The following FAF1 variants were observed in gnomAD, a reference collection of about 807,000 sequenced individuals.
The protein encoded by FAF1 is Fas associated factor 1, also known as FAS-associated factor 1.
FAF1 carries 25 observed loss-of-function variants against 92.5 expected under a neutral mutation model. That is an observed-to-expected ratio of 0.27 (90% CI 0.20 to 0.38). The LOEUF (loss-of-function observed/expected upper bound fraction) is 0.38. Ranked by LOEUF, FAF1 falls within the 10% of genes least tolerant of loss-of-function variation. FAF1 has a pLI of 1.00. For synonymous variants in FAF1, 234 were observed against 273.2 expected (o/e 0.86, Z 1.42); for missense variants, 636 against 793.3 (o/e 0.80, Z 2.38).
chr1:50,907,341 CTTT>C (rs1011421216), intron 1 of FAF1, among the ~76,000 whole-genome samples: 4 of 152,130 alleles, frequency 2.6e-5, no homozygotes, highest in African/African-American at 9.7e-5. Flanking sequence ...CTAAAATTCT[CTTT>C]TTTGGTTGTG....
At chr1:50,771,479 A>T (rs930857041) in intron 4 of FAF1, among the ~76,000 whole-genome samples, 2 of 152,248 alleles carry the variant, frequency 1.3e-5, no homozygotes, top group African/African-American at 4.8e-5. Context: ...ATACTTTTTG[A>T]AAGAAGCCAT....
Position 50,583,618 on chromosome 1 carries a change from C to T in FAF1, c.1031+34G>A. The T allele has an allele frequency of 1.5e-6, 2 of 1,303,264 alleles. No individual in the cohort carries two copies. Among genetic ancestry groups the T allele is most frequent in the Non-Finnish European group, 2.1e-6 (2 of 951,628 alleles). 80.7% of individuals were successfully genotyped at this position (1,303,264 alleles called of 1,614,324 possible). ...GAAAAATCACAGTAGCATAAAACAG[C>T]ATCAAATTTATATAGTTAATGTCCT... On this transcript the variant is annotated intron_variant, in intron 11 of 18. Coordinates refer to ENST00000396153, the MANE Select transcript of FAF1 (RefSeq NM_007051.3). This position sits in a 1 kb window ranked among gnomAD's most constrained non-coding sequence, Gnocchi z 4.2.
intron 8 of FAF1, among the ~76,000 whole-genome samples, chr1:50,627,256 G>A (rs1462473525): frequency 1.3e-5 from 2 of 152,116 alleles, no homozygotes; most frequent in African/African-American, 2.4e-5. Context: ...ACATGGAACT[G>A]AGTCTTAAAG....
rs79132042 is a variant in FAF1, at chr1:50,941,231, G to A, written c.45+18536C>T. ...TGTTTTGTTTTGTTTTTGGAGACAAGGGCTCACTCACTCTGTTGCCCAGGC... is the reference window on the plus strand; with the variant it reads ...TGTTTTGTTTTGTTTTTGGAGACAAAGGCTCACTCACTCTGTTGCCCAGGC... On this transcript the variant is annotated intron_variant, in intron 1 of 18. Transcript: ENST00000396153. Among the ~76,000 whole-genome samples, 1,169 of 151,926 alleles carry A rather than the reference G, an allele frequency of 7.7e-3. 13 individuals are homozygous for A. The highest frequency in any genetic ancestry group is 0.027 in the African/African-American group (1,129 of 41,442).
intron 13 of FAF1, among the ~76,000 whole-genome samples, chr1:50,550,285 A>G (rs1649247848): frequency 6.7e-6 from 1 of 148,422 alleles, no homozygotes. Flanking sequence ...CAGGAGGCAG[A>G]GCTTGCAGTG....
intron 1 of FAF1, among the ~76,000 whole-genome samples, chr1:50,913,718 T>C (rs766053096): frequency 3.2e-4 from 48 of 152,320 alleles, no homozygotes; most frequent in Admixed American, 1.6e-3. Flanking sequence ...ATTTGTCTAT[T>C]ACTTTCCAAA....
chr1:50,909,663 A>T (rs1644868690), intron 1 of FAF1, among the ~76,000 whole-genome samples: 1 of 152,180 alleles, frequency 6.6e-6, no homozygotes, highest in Middle Eastern at 3.2e-3. Context: ...CCAGTTGATC[A>T]AATCAGCTAT....
intron 13 of FAF1, among the ~76,000 whole-genome samples, chr1:50,547,781 T>G (rs921513358): frequency 6.6e-6 from 1 of 152,220 alleles, no homozygotes. Flanking sequence ...CAAAAGGCTT[T>G]GAGGCACTTA....
intron 4 of FAF1, among the ~76,000 whole-genome samples, chr1:50,781,915 A>G (rs909339064): frequency 2.0e-5 from 3 of 152,210 alleles, no homozygotes; most frequent in Non-Finnish European, 2.9e-5. Flanking sequence ...ATGACCACAT[A>G]TATTATACCA....
Position 50,818,216 on chromosome 1 carries a change from C to A in FAF1, c.115-16539G>T, listed in dbSNP as rs189453566. Among the ~76,000 whole-genome samples, 711 of 152,188 alleles carry A rather than the reference C, an allele frequency of 4.7e-3. 5 individuals carry two copies. The highest frequency in any genetic ancestry group is 6.4e-3 in the Non-Finnish European group (435 of 67,986). Reference sequence around the variant, plus strand: ...ATTCCATCTTAAACACACTAAAGTGCGTGAAATTAAAAAGACTATCAACAC... The same window carrying A: ...ATTCCATCTTAAACACACTAAAGTGAGTGAAATTAAAAAGACTATCAACAC... On this transcript the variant is annotated intron_variant, in intron 2 of 18. Coordinates refer to ENST00000396153, the MANE Select transcript of FAF1 (RefSeq NM_007051.3).
At chr1:50,885,133 G>A (rs1644648120) in intron 1 of FAF1, among the ~76,000 whole-genome samples, 1 of 151,990 alleles carries the variant, frequency 6.6e-6, no homozygotes, top group Non-Finnish European at 1.5e-5. Context: ...TTTCATCTCT[G>A]ATTTTATTTA....
chr1:50,833,434 T>C (rs931924762), intron 2 of FAF1, among the ~76,000 whole-genome samples: 14 of 152,082 alleles, frequency 9.2e-5, no homozygotes, highest in African/African-American at 3.4e-4. Context: ...AGTGCTTCTA[T>C]GCACTCTCCA....
intron 2 of FAF1, among the ~76,000 whole-genome samples, chr1:50,850,260 G>A (rs1644337213): frequency 6.6e-6 from 1 of 152,126 alleles, no homozygotes; most frequent in South Asian, 2.1e-4. Flanking sequence ...GCTGGATTAC[G>A]AAGCTATACA....
intron 1 of FAF1, among the ~76,000 whole-genome samples, chr1:50,917,488 C>A (rs1644926435): frequency 6.6e-6 from 1 of 151,682 alleles, no homozygotes; most frequent in African/African-American, 2.4e-5. Flanking sequence ...AGATTTTTTG[C>A]CAAGCAACAT....
intron 1 of FAF1, among the ~76,000 whole-genome samples, chr1:50,895,993 G>C (rs1347148824): frequency 6.6e-6 from 1 of 152,150 alleles, no homozygotes; most frequent in Non-Finnish European, 1.5e-5. Context: ...GGGAACACAA[G>C]GATGCCCACT....
Position 50,650,277 on chromosome 1 carries a change from T to G in FAF1, c.744+5165A>C, listed in dbSNP as rs112295345. Among the ~76,000 whole-genome samples, 361 of 113,552 alleles carry G rather than the reference T, an allele frequency of 3.2e-3. 2 individuals carry two copies. The highest frequency in any genetic ancestry group is 0.012 in the South Asian group (43 of 3,468). 74.5% of individuals were successfully genotyped at this position (113,552 alleles called of 152,430 possible). A position where few individuals can be genotyped will look rare whatever the true frequency, so the allele number is the denominator to read the frequency against. ...CCAGCCTGTGCAACAAGAGCGAAAC[T>G]CTGTCTCAAAAAAAAAAAAAAAAAA... On this transcript the variant is annotated intron_variant, in intron 8 of 18. Coordinates refer to ENST00000396153, the MANE Select transcript of FAF1 (RefSeq NM_007051.3).
At chr1:50,562,500 A>G (rs186031649) in intron 13 of FAF1, among the ~76,000 whole-genome samples, 1 of 152,304 alleles carries the variant, frequency 6.6e-6, no homozygotes, top group Non-Finnish European at 1.5e-5. Context: ...CTGCCACCCA[A>G]AAGACTAGGA....
chr1:50,665,852 T>C (rs1194136323), intron 7 of FAF1, among the ~76,000 whole-genome samples: 1 of 152,120 alleles, frequency 6.6e-6, no homozygotes, highest in Non-Finnish European at 1.5e-5. Flanking sequence ...TAAGTATAGG[T>C]ACATATGTAT....
At chr1:50,557,904 T>C (rs1649665902) in intron 13 of FAF1, among the ~76,000 whole-genome samples, 1 of 149,092 alleles carries the variant, frequency 6.7e-6, no homozygotes, top group Non-Finnish European at 1.5e-5. Flanking sequence ...ACTTTATAAA[T>C]ATCTTATTTA....
Sources: allele counts gnomAD v4.1 joint callset (sites outside exome capture counted in the v4.1 genomes callset), GRCh38; gene constraint gnomAD v4.1.1; non-coding constraint Gnocchi (gnomAD v3.1); transcripts MANE v1.5; gene names NCBI Gene and HGNC (gene_info 2026-07-23, HGNC 2026-07-21).